Variants in GPBP1L1 observed in about 807,000 individuals in gnomAD.
GPBP1L1 encodes vasculin-like protein 1.
In GPBP1L1, 23 loss-of-function variants were observed where a neutral mutation model predicts 52.5. The ratio of observed to expected loss-of-function variants is 0.44; its 90% confidence interval spans 0.32 to 0.62. The LOEUF is 0.62. Ranked by LOEUF, GPBP1L1 falls within the 20% of genes least tolerant of loss-of-function variation. GPBP1L1 has a pLI of 0.06. For synonymous variants in GPBP1L1, 243 were observed against 203.1 expected, an observed-to-expected ratio of 1.20 and a Z score of -1.67; for missense variants, 596 against 579.3, an observed-to-expected ratio of 1.03 and a Z score of -0.30.
chr1:45,663,050 C>CAAAA (rs66502921), intron 2 of GPBP1L1, among the ~76,000 whole-genome samples: 7 of 117,190 alleles, frequency 6.0e-5, no homozygotes, highest in Non-Finnish European at 1.0e-4. Flanking sequence ...GACTCTGTCT[C>CAAAA]AAAAAAAAAA....
At chr1:45,651,364 C>T (rs969726652) in intron 6 of GPBP1L1, 1 of 376,282 alleles carries the variant, frequency 2.7e-6, no homozygotes, top group Non-Finnish European at 5.1e-6. Flanking sequence ...ATGCAATCAC[C>T]ACTAGCTGAG....
At chr1:45,663,187 G>T (rs1484671782) in intron 2 of GPBP1L1, among the ~76,000 whole-genome samples, 1 of 151,968 alleles carries the variant, frequency 6.6e-6, no homozygotes, top group Non-Finnish European at 1.5e-5. Flanking sequence ...ATATGGAAAA[G>T]ATATAAATAA....
At chr1:45,651,541 AAGTAGCTG>A (rs1360962524) in intron 6 of GPBP1L1, 7 of 550,002 alleles carry the variant, frequency 1.3e-5, no homozygotes, top group African/African-American at 1.2e-4. Context: ...GGGCCAGCTT[AAGTAGCTG>A]AGTAGCTGTT....
intron 6 of GPBP1L1, among the ~76,000 whole-genome samples, chr1:45,645,424 TAC>T (rs1644731416): frequency 6.6e-6 from 1 of 152,238 alleles, no homozygotes; most frequent in Admixed American, 6.5e-5. Context: ...TTCTCAAGCA[TAC>T]AAAGTATAGA....
rs554106521 is a variant in GPBP1L1, at chr1:45,661,751, C to T, written c.-1097-526G>A. Among the ~76,000 whole-genome samples the T allele has an allele frequency of 7.9e-5, 12 of 152,258 alleles. No individual in the cohort carries two copies. The South Asian group carries it at 2.5e-3, about 32-fold the overall frequency. On this transcript the variant is annotated intron_variant, in intron 2 of 12. Transcript: ENST00000355105. Reference sequence around the variant, plus strand: ...TACGTGAGTGACCCACCATGCCTGGCCTGGAGTTTGCTTTTTTATATAAAA... The same window carrying T: ...TACGTGAGTGACCCACCATGCCTGGTCTGGAGTTTGCTTTTTTATATAAAA...
At chr1:45,655,149 G>A in intron 5 of GPBP1L1, 41 bp downstream of exon 5, 1 of 1,612,450 alleles carries the variant, frequency 6.2e-7, no homozygotes, top group Non-Finnish European at 8.5e-7. Flanking sequence ...TGTCCTAAAT[G>A]AGTAGCTTAA....
intron 5 of GPBP1L1, 103 bp from the exon 6 acceptor site, chr1:45,654,932 AC>A: frequency 3.3e-6 from 4 of 1,205,646 alleles, no homozygotes; most frequent in Non-Finnish European, 4.6e-6. Flanking sequence ...AAAAGTCCAC[AC>A]AAAAAAAATA....
intron 4 of GPBP1L1, among the ~76,000 whole-genome samples, chr1:45,657,703 G>C (rs1214977609): frequency 2.6e-5 from 4 of 151,828 alleles, no homozygotes; most frequent in Non-Finnish European, 4.4e-5. Context: ...ACCCAAAAAA[G>C]TTAGCTGGGC....
chr1:45,637,365 C>G (rs1450544682), intron 8 of GPBP1L1, among the ~76,000 whole-genome samples: 1 of 152,094 alleles, frequency 6.6e-6, no homozygotes, highest in East Asian at 1.9e-4. Context: ...TTTCCTGAAA[C>G]CTGACCTTCC....
chr1:45,644,559 T>A (rs1190810008), intron 6 of GPBP1L1, among the ~76,000 whole-genome samples: 1 of 32,498 alleles, frequency 3.1e-5, no homozygotes, highest in African/African-American at 1.3e-4. Context: ...ATCACTGCAT[T>A]TTTTTTTTTT....
At chr1:45,676,184 G>C (rs936151100) in intron 2 of GPBP1L1, among the ~76,000 whole-genome samples, 4 of 152,114 alleles carry the variant, frequency 2.6e-5, no homozygotes, top group South Asian at 2.1e-4. Context: ...ATCTCCAGAA[G>C]AGAAAAATTC....
chr1:45,685,331 AC>A (rs1645266717), intron 2 of GPBP1L1, among the ~76,000 whole-genome samples: 1 of 152,248 alleles, frequency 6.6e-6, no homozygotes, highest in African/African-American at 2.4e-5. Flanking sequence ...ACACAAGAAC[AC>A]GACTTACTAC....
chr1:45,668,619 T>C (rs1462377397), intron 2 of GPBP1L1, among the ~76,000 whole-genome samples: 2 of 152,144 alleles, frequency 1.3e-5, no homozygotes, highest in African/African-American at 4.8e-5. Context: ...ATCACACCAC[T>C]GCACTCCAGC....
chr1:45,677,462 A>C (rs568162448), intron 2 of GPBP1L1, among the ~76,000 whole-genome samples: 3 of 152,184 alleles, frequency 2.0e-5, no homozygotes, highest in African/African-American at 7.2e-5. Flanking sequence ...TGATCATGCC[A>C]CTACACTCCA....
intron 3 of GPBP1L1, 65 bp from the exon 4 acceptor site, chr1:45,659,207 CTGTAATTATT>C (rs1644918589): frequency 1.1e-6 from 1 of 924,102 alleles, no homozygotes; most frequent in Non-Finnish European, 1.7e-6. Flanking sequence ...GTAAAGGAAT[CTGTAATTATT>C]CTAAGATTCC....
At position 45,633,993 on chromosome 1, in the gene GPBP1L1, T is replaced by C. The variant is rs79458432; in HGVS notation, c.885+103A>G. 4.2e-5 allele frequency: 52 copies of C among 1,244,148 alleles called. No homozygotes were observed. The African/African-American group carries it at 5.2e-4, about 13-fold the overall frequency. The allele number at this position is 1,244,148 out of a possible 1,614,324, so 77.1% of individuals were successfully genotyped here. Reference sequence around the variant, plus strand: ...TAAAGAAACTATTCTCAGCTAAATATAGCTACAAAACAAGTGTCACAGCTA... The same window carrying C: ...TAAAGAAACTATTCTCAGCTAAATACAGCTACAAAACAAGTGTCACAGCTA... On this transcript the variant is annotated intron_variant, in intron 9 of 12. Transcript: ENST00000355105.
intron 2 of GPBP1L1, among the ~76,000 whole-genome samples, chr1:45,677,897 TTAGAG>T (rs1159816507): frequency 2.0e-5 from 3 of 152,188 alleles, no homozygotes; most frequent in Non-Finnish European, 4.4e-5. Context: ...ATATTGCTGA[TTAGAG>T]TGAACACTGG....
chr1:45,670,522 CCAAA>C (rs1265971040), intron 2 of GPBP1L1, among the ~76,000 whole-genome samples: 2 of 151,130 alleles, frequency 1.3e-5, no homozygotes, highest in Non-Finnish European at 2.9e-5. Context: ...TCTCCAAGGT[CCAAA>C]CAATTTACCT....
intron 2 of GPBP1L1, among the ~76,000 whole-genome samples, chr1:45,685,008 T>C (rs116482300): frequency 0.024 from 3,685 of 152,252 alleles, 64 homozygotes; most frequent in Non-Finnish European, 0.038. Context: ...AATATTGAAA[T>C]TTATTGGTTT....
Sources: allele counts gnomAD v4.1 joint callset (sites outside exome capture counted in the v4.1 genomes callset), GRCh38; gene constraint gnomAD v4.1.1; transcripts MANE v1.5; gene names NCBI Gene and HGNC (gene_info 2026-07-23, HGNC 2026-07-21).